The following ETNK1 variants were observed in gnomAD, a reference collection of about 807,000 sequenced individuals.
ETNK1 encodes the protein ethanolamine kinase 1.
Under a neutral mutation model 45.1 loss-of-function variants are expected in ETNK1, and 8 were observed. The observed-to-expected ratio is 0.18, with a 90% CI of 0.10 to 0.32. ETNK1 has a LOEUF of 0.32. Among genes scored for constraint, ETNK1 ranks in the 10% least tolerant of loss-of-function variants. The pLI is 1.00. For missense variants in ETNK1, 302 were observed against 430.6 expected (o/e 0.70, Z 2.64); for synonymous variants, 152 against 151.9 (o/e 1.00, Z -0.01).
intron 1 of ETNK1, among the ~76,000 whole-genome samples, chr12:22,628,611 C>T (rs1182663099): frequency 6.6e-6 from 1 of 152,000 alleles, no homozygotes; most frequent in Non-Finnish European, 1.5e-5. Flanking sequence ...TAATAATTCT[C>T]AACGGACTCT....
intron 2 of ETNK1, among the ~76,000 whole-genome samples, chr12:22,653,481 C>T (rs1250282773): frequency 6.6e-6 from 1 of 152,092 alleles, no homozygotes; most frequent in African/African-American, 2.4e-5. Flanking sequence ...TTTTCCAATC[C>T]ATGAACATGG....
At chr12:22,662,658 A>G (rs997720681) in intron 4 of ETNK1, among the ~76,000 whole-genome samples, 2 of 152,008 alleles carry the variant, frequency 1.3e-5, no homozygotes, top group Non-Finnish European at 2.9e-5. Context: ...TTGGCCTCCT[A>G]AAGTGCTGGG....
At chr12:22,677,169 C>T (rs981389900) in intron 6 of ETNK1, among the ~76,000 whole-genome samples, 12 of 152,090 alleles carry the variant, frequency 7.9e-5, no homozygotes, top group African/African-American at 2.2e-4. Context: ...TTTAATCCAT[C>T]TTGAGTTAAT....
At chr12:22,628,392 A>T (rs1330349676) in intron 1 of ETNK1, among the ~76,000 whole-genome samples, 1 of 152,106 alleles carries the variant, frequency 6.6e-6, no homozygotes, top group African/African-American at 2.4e-5. Context: ...ATTCTGCTTT[A>T]AAGTTCCCTT....
intron 2 of ETNK1, among the ~76,000 whole-genome samples, chr12:22,646,405 G>C (rs1192044146): frequency 2.0e-5 from 3 of 151,690 alleles, no homozygotes; most frequent in African/African-American, 7.2e-5. Context: ...GCCCCAAGAA[G>C]AGGTTAAAGA....
chr12:22,651,685 T>C (rs865840275), intron 2 of ETNK1, among the ~76,000 whole-genome samples: 30,951 of 116,666 alleles, frequency 0.27, 3,416 homozygotes, highest in Non-Finnish European at 0.34. Flanking sequence ...TCTATCCCTT[T>C]TTTTTTTTTT....
intron 6 of ETNK1, among the ~76,000 whole-genome samples, chr12:22,676,549 G>A (rs1045597002): frequency 6.6e-6 from 1 of 151,954 alleles, no homozygotes. Flanking sequence ...GGGTCAAATG[G>A]TATTTCTGGT....
intron 2 of ETNK1, among the ~76,000 whole-genome samples, chr12:22,655,333 T>A: frequency 1.5e-5 from 2 of 137,698 alleles, no homozygotes; most frequent in African/African-American, 5.5e-5. Flanking sequence ...TGTTTGTTTT[T>A]TTTTTTTTTT....
intron 5 of ETNK1, among the ~76,000 whole-genome samples, 186 bp from the exon 6 acceptor site, chr12:22,673,314 G>A (rs1954128922): frequency 1.3e-5 from 2 of 152,116 alleles, no homozygotes; most frequent in African/African-American, 4.8e-5. Flanking sequence ...GTGCCTTAGT[G>A]TTTAAGCTGA....
At chr12:22,651,508 C>T (rs1482681086) in intron 2 of ETNK1, among the ~76,000 whole-genome samples, 6 of 151,956 alleles carry the variant, frequency 3.9e-5, no homozygotes, top group South Asian at 2.1e-4. Context: ...GAGTCCTTAC[C>T]GAGAACTCCT....
intron 1 of ETNK1, among the ~76,000 whole-genome samples, chr12:22,632,852 T>C: frequency 1.3e-5 from 2 of 152,310 alleles, no homozygotes; most frequent in Admixed American, 1.3e-4. Context: ...ATATGAAATA[T>C]GTGTTTTTTT....
At chr12:22,684,387 C>G in intron 6 of ETNK1, 96 bp from the exon 7 acceptor site, 1 of 792,334 alleles carries the variant, frequency 1.3e-6, no homozygotes, top group Non-Finnish European at 2.1e-6. Flanking sequence ...AAGTGTGGTG[C>G]ATGGAGTTGA....
chr12:22,681,760 T>C (rs1954217767), intron 6 of ETNK1, among the ~76,000 whole-genome samples: 1 of 152,114 alleles, frequency 6.6e-6, no homozygotes, highest in African/African-American at 2.4e-5. Context: ...ATTTCTTTAA[T>C]GTCTGGTTTA....
intron 2 of ETNK1, among the ~76,000 whole-genome samples, chr12:22,657,602 T>C (rs1250971421): frequency 7.1e-6 from 1 of 140,794 alleles, no homozygotes; most frequent in Non-Finnish European, 1.7e-5. Flanking sequence ...GGGAAAATTT[T>C]CCTAATTTTC....
intron 3 of ETNK1, 110 bp downstream of exon 3, chr12:22,659,264 G>T: frequency 1.8e-6 from 2 of 1,090,604 alleles, no homozygotes; most frequent in Admixed American, 5.3e-5. Flanking sequence ...TTCTTTCTTT[G>T]CATTGAAGTA....
intron 5 of ETNK1, among the ~76,000 whole-genome samples, chr12:22,672,476 A>T (rs1237549953): frequency 6.6e-6 from 1 of 152,200 alleles, no homozygotes; most frequent in African/African-American, 2.4e-5. Context: ...TACCAAGCTT[A>T]TCATATACAT....
At position 22,690,273 on chromosome 12, in the gene ETNK1, A is replaced by C. The variant is rs9435; in HGVS notation, c.*5319A>C. On this transcript the variant is annotated 3_prime_UTR_variant, in exon 8 of 8. Coordinates refer to ENST00000266517, the MANE Select transcript of ETNK1 (RefSeq NM_018638.5). ...TAGGTGTTTTGCTATGCCTCAGAAAATATCTGTCTGAGAATTTGTTAATCT... is the reference window on the plus strand; with the variant it reads ...TAGGTGTTTTGCTATGCCTCAGAAACTATCTGTCTGAGAATTTGTTAATCT... 0.15 allele frequency: 23,620 copies of C among 152,460 alleles called. 3,067 individuals carry two copies. The highest frequency in any genetic ancestry group is 0.75 in the East Asian group (3,852 of 5,160). 9.4% of individuals were successfully genotyped at this position (152,460 alleles called of 1,614,324 possible). A position where few individuals can be genotyped will look rare whatever the true frequency, so the allele number is the denominator to read the frequency against.
rs1452953312 is a variant in ETNK1, at chr12:22,688,991, TG to T, written c.*4038del. ...GGTTTGATGTCGTTGGACAGAAAAG[TG>T]TATCAATTATTTTAAATGAATTTTT... is the stretch of plus-strand genomic sequence containing the variant. On this transcript the variant is annotated 3_prime_UTR_variant, in exon 8 of 8. Transcript: ENST00000266517. 2.0e-5 allele frequency: 3 copies of T among 151,916 alleles called. No individual in the cohort carries two copies. The highest frequency in any genetic ancestry group is 7.2e-5 in the African/African-American group (3 of 41,438). The allele number at this position is 151,916 out of a possible 1,614,324, so 9.4% of individuals were successfully genotyped here. A position where few individuals can be genotyped will look rare whatever the true frequency, so the allele number is the denominator to read the frequency against.
At chr12:22,658,023 A>G (rs1953961538) in intron 2 of ETNK1, among the ~76,000 whole-genome samples, 1 of 152,192 alleles carries the variant, frequency 6.6e-6, no homozygotes, top group Non-Finnish European at 1.5e-5. Flanking sequence ...GAAGGTTTTA[A>G]ATATCTCAGT....
Sources: gnomAD v4.1 joint callset for allele counts (sites outside exome capture counted in the v4.1 genomes callset) on GRCh38, gnomAD v4.1.1 for gene constraint, MANE v1.5 for transcripts, NCBI Gene and HGNC (gene_info 2026-07-23, HGNC 2026-07-21) for gene names.